Variants in PYY observed in about 807,000 individuals in gnomAD.
PYY encodes peptide YY, also known as peptide tyrosine tyrosine.
In PYY, 12 loss-of-function variants were observed where a neutral mutation model predicts 10.3. The ratio of observed to expected loss-of-function variants is 1.17; its 90% CI spans 0.75 to 1.89. The LOEUF (loss-of-function observed/expected upper bound fraction) is 1.89. Ranked by LOEUF, PYY falls within the 40% of genes most tolerant of loss-of-function variation. The pLI, the probability that PYY is intolerant of heterozygous loss-of-function variation, is 0.00. For synonymous variants in PYY, 66 were observed against 62.0 expected (o/e 1.06, Z -0.30); for missense variants, 141 against 134.0 (o/e 1.05, Z -0.26).
rs1412039428 is a variant in PYY, at chr17:43,986,408, A to C, written c.-463+17983T>G. Among the ~76,000 whole-genome samples the C allele has an allele frequency of 4.0e-5, 6 of 151,716 alleles. No individual in the cohort carries two copies. The East Asian group carries it at 1.2e-3, about 29-fold the overall frequency. ...CTGTTGCTCTCCATGGTTCACCCCAAGACTGGGTCATGTGGCTTCCTGTGC... is the reference window on the plus strand; with the variant it reads ...CTGTTGCTCTCCATGGTTCACCCCACGACTGGGTCATGTGGCTTCCTGTGC... On this transcript the variant is annotated intron_variant, in intron 1 of 6. Transcript: ENST00000360085.
chr17:43,953,189 C>T lies in PYY; in HGVS notation c.189G>A (p.Arg63=), dbSNP rs762203536. ...RHYLNLVTRQ[R]YGKRDGPDTL... is the part of the protein sequence containing the mutation. ...TGTCCGGGCCGTCTCTTTTCCCATA[C>T]CTGGGGGCGGGGAAGGGAAGAGCGT... The change falls in exon 3 of 4, where the codon CGG becomes CGA. Residue 63 remains arginine, a splice_region_variant and synonymous_variant. Coordinates refer to ENST00000692052, the MANE Select transcript of PYY (RefSeq NM_001394028.1). The T allele has an allele frequency of 6.2e-7, 1 of 1,613,550 alleles. No individual in the cohort carries two copies. Among genetic ancestry groups the T allele is most frequent in the Non-Finnish European group, 8.5e-7 (1 of 1,179,640 alleles).
chr17:43,963,612 AAG>A (rs1488137343), intron 2 of PYY, among the ~76,000 whole-genome samples: 2 of 99,460 alleles, frequency 2.0e-5, no homozygotes, highest in Non-Finnish European at 4.8e-5. Context: ...GAAAGAAAGA[AAG>A]AAAGAAAGAA....
intron 1 of PYY, among the ~76,000 whole-genome samples, chr17:43,999,110 G>A (rs2049008781): frequency 6.6e-6 from 1 of 152,170 alleles, no homozygotes; most frequent in Non-Finnish European, 1.5e-5. Flanking sequence ...GGACCAGGAA[G>A]GGAGTGTGAG....
chr17:43,994,720 C>T lies in PYY; in HGVS notation c.-463+9671G>A, dbSNP rs560713930. 2.6e-5 allele frequency among the ~76,000 whole-genome samples: 4 copies of T among 152,278 alleles called. No individual in the cohort carries two copies. In the East Asian group the frequency reaches 5.8e-4, roughly 22 times the overall value. ...AAATAAAACCTCCTGCTCCTCTCAA[C>T]GCCTTTGCCCCTGATTCCCCCGTTA... On this transcript the variant is annotated intron_variant, in intron 1 of 6. Transcript: ENST00000360085.
intron 1 of PYY, among the ~76,000 whole-genome samples, chr17:43,974,649 C>G (rs1264690591): frequency 6.6e-6 from 1 of 152,182 alleles, no homozygotes; most frequent in Non-Finnish European, 1.5e-5. Flanking sequence ...GCTACATTTT[C>G]TTGCTATTGT....
intron 2 of PYY, among the ~76,000 whole-genome samples, chr17:43,962,469 T>C (rs1226105719): frequency 1.2e-5 from 1 of 85,148 alleles, no homozygotes; most frequent in African/African-American, 4.6e-5. Flanking sequence ...GTGAGAATGC[T>C]TAAGATCTAC....
chr17:43,963,608 AAGAAAGAAAGAAAGAAAGAGAAAG>A (rs1473579500), intron 2 of PYY, among the ~76,000 whole-genome samples: 46 of 96,558 alleles, frequency 4.8e-4, no homozygotes, highest in Non-Finnish European at 5.8e-4. Context: ...GAAAGAAAGA[AAGAAAGAAAGAAAGAAAGAGAAAG>A]AAAGAAAAGA....
chr17:43,952,854 A>T lies in PYY; in HGVS notation c.*102T>A. 1 of 1,338,962 alleles carries T rather than the reference A, an allele frequency of 7.5e-7. No individual in the cohort carries two copies. The highest frequency in any genetic ancestry group is 1.0e-6 in the Non-Finnish European group (1 of 995,876). 82.9% of individuals were successfully genotyped at this position (1,338,962 alleles called of 1,614,324 possible). A position where few individuals can be genotyped will look rare whatever the true frequency, so the allele number is the denominator to read the frequency against. On this transcript the variant is annotated 3_prime_UTR_variant, in exon 4 of 4. Transcript: ENST00000692052. ...AGGGCCGCACCCGAACCCTGCCCAG[A>T]CGCCGCCGTCGGGAGGCAGAATCCG...
At chr17:43,977,900 T>C (rs2048859027) in intron 1 of PYY, among the ~76,000 whole-genome samples, 1 of 152,076 alleles carries the variant, frequency 6.6e-6, no homozygotes, top group African/African-American at 2.4e-5. Flanking sequence ...TAGTAAAACA[T>C]GTATCAAAGT....
chr17:43,960,316 G>T (rs984692676), intron 2 of PYY, among the ~76,000 whole-genome samples: 1 of 150,214 alleles, frequency 6.7e-6, no homozygotes, highest in African/African-American at 2.5e-5. Context: ...GCCAAGGCGG[G>T]TGGGTCACCT....
chr17:43,986,517 T>C (rs1452836627), intron 1 of PYY, among the ~76,000 whole-genome samples: 1 of 152,198 alleles, frequency 6.6e-6, no homozygotes, highest in African/African-American at 2.4e-5. Context: ...TTGAATATTG[T>C]GGCACCAGAC....
At chr17:43,958,158 GAA>G (rs1350339203), upstream of PYY, 1 of 55,668 alleles carries the variant, frequency 1.8e-5, no homozygotes, top group East Asian at 3.7e-4. Context: ...AAAAAAAAAA[GAA>G]TGGGCATGGT....
chr17:43,956,812 G>C (rs1439793611), upstream of PYY, among the ~76,000 whole-genome samples: 3 of 152,182 alleles, frequency 2.0e-5, no homozygotes, highest in Non-Finnish European at 4.4e-5. Flanking sequence ...GCCTCACTTT[G>C]ATCACCATGC....
intron 1 of PYY, among the ~76,000 whole-genome samples, chr17:43,977,566 G>A (rs1049530607): frequency 2.6e-5 from 4 of 152,004 alleles, no homozygotes; most frequent in African/African-American, 7.2e-5. Context: ...GTGCACCCCC[G>A]ACTCTCCCTG....
At chr17:43,994,475 G>A (rs2048977935) in intron 1 of PYY, among the ~76,000 whole-genome samples, 1 of 152,154 alleles carries the variant, frequency 6.6e-6, no homozygotes, top group Non-Finnish European at 1.5e-5. Flanking sequence ...AAGGTAGGGA[G>A]AGAAGCTTTC....
intron 1 of PYY, among the ~76,000 whole-genome samples, chr17:43,980,761 C>T (rs778442490): frequency 3.3e-5 from 5 of 152,098 alleles, no homozygotes; most frequent in African/African-American, 7.2e-5. Context: ...TGTGAGCCAC[C>T]GCACCTGGCC....
At chr17:43,986,272 A>G (rs1307913866) in intron 1 of PYY, among the ~76,000 whole-genome samples, 14 of 152,202 alleles carry the variant, frequency 9.2e-5, no homozygotes, top group African/African-American at 3.4e-4. Flanking sequence ...TCAAAAAAAA[A>G]GAAAAGAAAA....
intron 1 of PYY, among the ~76,000 whole-genome samples, chr17:43,984,355 AG>A (rs1027590914): frequency 1.3e-5 from 2 of 152,222 alleles, no homozygotes; most frequent in Non-Finnish European, 2.9e-5. Context: ...AGGTGGGAGC[AG>A]GAGGCTCCTC....
chr17:43,958,135 C>CAAAAAAAAAAAAAGAAAAAA (rs2048687188), upstream of PYY: 1 of 47,276 alleles, frequency 2.1e-5, no homozygotes, highest in Admixed American at 3.3e-4. Context: ...CTGAATACAC[C>CAAAAAAAAAAAAAGAAAAAA]AAAAAAAAAA....
Sources: allele counts gnomAD v4.1 joint callset (sites outside exome capture counted in the v4.1 genomes callset), GRCh38; gene constraint gnomAD v4.1.1; transcripts MANE v1.5; gene names NCBI Gene and HGNC (gene_info 2026-07-23, HGNC 2026-07-21).